The following SORL1 variants were observed in gnomAD, a reference collection of about 807,000 sequenced individuals.
The protein encoded by SORL1 is sortilin related receptor 1, also known as sortilin-related receptor.
SORL1 carries 127 observed loss-of-function variants against 273.7 expected under a neutral mutation model. The observed-to-expected ratio is 0.46, with a 90% CI of 0.40 to 0.54. The LOEUF (loss-of-function observed/expected upper bound fraction) is 0.54, where lower values mean the gene tolerates loss of function less well. Ranked by LOEUF, SORL1 falls within the 20% of genes least tolerant of loss-of-function variation. The probability of loss-of-function intolerance (pLI) is 0.00; values close to 1 mark genes in which losing one functional copy is unlikely to be tolerated. For synonymous variants in SORL1, 1,031 were observed against 1,067.4 expected (o/e 0.97, Z 0.66); for missense variants, 2,494 against 2,846.1 (o/e 0.88, Z 2.81).
chr11:121,606,561 G>T (rs1426998174), intron 35 of SORL1, among the ~76,000 whole-genome samples: 1 of 152,142 alleles, frequency 6.6e-6, no homozygotes, highest in Non-Finnish European at 1.5e-5. Context: ...CAGGGTCAGT[G>T]GTGACTCAGC....
At chr11:121,626,530 T>G (rs1242268828) in intron 46 of SORL1, 1 of 152,204 alleles carries the variant, frequency 6.6e-6, no homozygotes, top group Non-Finnish European at 1.5e-5. Flanking sequence ...TAGATTAGGT[T>G]TGCAAGAAAC....
intron 32 of SORL1, among the ~76,000 whole-genome samples, chr11:121,603,353 C>A (rs1254459631): frequency 6.6e-6 from 1 of 152,218 alleles, no homozygotes; most frequent in Non-Finnish European, 1.5e-5. Context: ...CTGGGCTCAA[C>A]CAGCTACATA....
chr11:121,589,534 C>T, intron 29 of SORL1, 144 bp downstream of exon 29: 2 of 1,027,672 alleles, frequency 1.9e-6, no homozygotes, highest in East Asian at 2.5e-5. Context: ...CCTGAATACT[C>T]ATACGAGTTG....
intron 32 of SORL1, among the ~76,000 whole-genome samples, chr11:121,599,750 A>T (rs1409521262): frequency 6.6e-6 from 1 of 151,042 alleles, no homozygotes; most frequent in Admixed American, 6.6e-5. Context: ...CAATATAATT[A>T]ATTCTCCTGC....
chr11:121,531,415 AT>A (rs56128200), intron 11 of SORL1, among the ~76,000 whole-genome samples: 80 of 152,342 alleles, frequency 5.3e-4, no homozygotes, highest in African/African-American at 5.5e-4. Context: ...AATTAAAAAA[AT>A]ATTCCAATAT....
At chr11:121,458,286 G>A (rs1264109346) in intron 1 of SORL1, among the ~76,000 whole-genome samples, 1 of 152,168 alleles carries the variant, frequency 6.6e-6, no homozygotes, top group Non-Finnish European at 1.5e-5. Flanking sequence ...TCAGGGAAAG[G>A]CAGTTTGGAG....
rs1863302332 is a variant in SORL1, at chr11:121,596,776, C to A, written c.4519+1004C>A. On this transcript the variant is annotated intron_variant, in intron 32 of 47. Coordinates refer to ENST00000260197, the MANE Select transcript of SORL1 (RefSeq NM_003105.6). This position sits in a 1 kb window ranked among gnomAD's most constrained non-coding sequence, Gnocchi z 4.3. The stretch of plus-strand genomic sequence containing the variant: ...GAGCCTCCCTGCCGCCAAGCCCTAA[C>A]CCTAAGCAGCAAACGCCTCAGTTCC... 6.6e-6 allele frequency among the ~76,000 whole-genome samples: 1 copy of A among 152,190 alleles called. No homozygotes were observed. The highest frequency in any genetic ancestry group is 1.5e-5 in the Non-Finnish European group (1 of 68,040).
chr11:121,565,812 A>T (rs1862746288), intron 21 of SORL1, among the ~76,000 whole-genome samples: 1 of 152,172 alleles, frequency 6.6e-6, no homozygotes, highest in Admixed American at 6.5e-5. Flanking sequence ...ATCCTCGTTC[A>T]TCCACAAAGG....
chr11:121,598,780 A>G (rs1863340401), intron 32 of SORL1, among the ~76,000 whole-genome samples: 2 of 152,164 alleles, frequency 1.3e-5, no homozygotes, highest in African/African-American at 4.8e-5. Flanking sequence ...ATTTATTTCC[A>G]CCATGCATAG....
chr11:121,595,870 T>C lies in SORL1; in HGVS notation c.4519+98T>C. On this transcript the variant is annotated intron_variant, in intron 32 of 47. Coordinates refer to ENST00000260197, the MANE Select transcript of SORL1 (RefSeq NM_003105.6). This position sits in a 1 kb window ranked among gnomAD's most constrained non-coding sequence, Gnocchi z 5.1. ...ATTTCTGGATCAGCACACGCCTGTGTGTGAGTCTGTGTACTTGCGTAACCA... is the reference window on the plus strand; with the variant it reads ...ATTTCTGGATCAGCACACGCCTGTGCGTGAGTCTGTGTACTTGCGTAACCA... 1.5e-6 allele frequency: 2 copies of C among 1,311,138 alleles called. No homozygotes were observed. The highest frequency in any genetic ancestry group is 2.1e-6 in the Non-Finnish European group (2 of 954,306). The allele number at this position is 1,311,138 out of a possible 1,614,324, so 81.2% of individuals were successfully genotyped here.
chr11:121,541,210 T>TG (rs1555069249), intron 12 of SORL1, among the ~76,000 whole-genome samples: 4 of 151,278 alleles, frequency 2.6e-5, no homozygotes, highest in Non-Finnish European at 5.9e-5. Flanking sequence ...TATCTTTTTT[T>TG]TTTTTTTTTA....
At chr11:121,617,006 C>T (rs1255188739) in intron 41 of SORL1, among the ~76,000 whole-genome samples, 1 of 152,192 alleles carries the variant, frequency 6.6e-6, no homozygotes, top group African/African-American at 2.4e-5. Context: ...GAAATTTAAA[C>T]ATTTTCTGGT....
intron 41 of SORL1, among the ~76,000 whole-genome samples, chr11:121,618,189 C>T (rs527612091): frequency 5.3e-5 from 8 of 152,334 alleles, no homozygotes; most frequent in South Asian, 2.1e-4. Context: ...TAGGGAGGTT[C>T]GCAGTTTAGA....
intron 7 of SORL1, 36 bp downstream of exon 7, chr11:121,513,140 C>G: frequency 6.9e-7 from 1 of 1,457,144 alleles, no homozygotes; most frequent in South Asian, 1.1e-5. Context: ...GAAGAAGTAT[C>G]ATTGTCTTTA....
At chr11:121,508,667 G>T (rs1278984362) in intron 6 of SORL1, among the ~76,000 whole-genome samples, 1 of 152,194 alleles carries the variant, frequency 6.6e-6, no homozygotes, top group Admixed American at 6.5e-5. Flanking sequence ...GAGGCTGTGG[G>T]TTTCCAAGGC....
At position 121,597,555 on chromosome 11, in the gene SORL1, G is replaced by C. The variant is rs377599081; in HGVS notation, c.4519+1783G>C. The stretch of plus-strand genomic sequence containing the variant: ...CAGCTCACTGCAGCTTCCGCCTTTC[G>C]AGCTCAAGTGATTCTCTTGCCTCAG... On this transcript the variant is annotated intron_variant, in intron 32 of 47. Transcript: ENST00000260197. Among the ~76,000 whole-genome samples, 8 of 151,634 alleles carry C rather than the reference G, an allele frequency of 5.3e-5. No homozygotes were observed. In the East Asian group the frequency reaches 1.2e-3, roughly 22 times the overall value.
intron 6 of SORL1, among the ~76,000 whole-genome samples, chr11:121,501,388 T>C (rs1398386199): frequency 3.3e-5 from 5 of 152,252 alleles, no homozygotes; most frequent in Non-Finnish European, 5.9e-5. Flanking sequence ...TTCTCCTCCC[T>C]GATGCTGGTA....
In SORL1 at chr11:121,577,372, G is replaced by T. The variant is rs1337683268; in HGVS notation, c.3552G>T (p.Arg1184Ser). The T allele has an allele frequency of 6.2e-7, 1 of 1,612,146 alleles. No individual in the cohort carries two copies. The highest frequency in any genetic ancestry group is 1.1e-5 in the South Asian group (1 of 90,772). The change falls in exon 25 of 48, where the codon AGG (arginine) becomes AGT (serine). Residue 1184 changes from arginine to serine, a missense_variant. Around this residue, in one of 3 missense-constraint regions of SORL1, gnomAD observed 1,609 missense variants for 1,816.4 expected, o/e 0.89. Transcript: ENST00000260197. ...TATGTGACGGGGACAACGACTGCAGGGACTGGTCTGATGAAGCCAACTGTA... is the reference window on the plus strand; with the variant it reads ...TATGTGACGGGGACAACGACTGCAGTGACTGGTCTGATGAAGCCAACTGTA... Reference protein sequence around the residue: ...SWVCDGDNDCRDWSDEANCTA... With the variant: ...SWVCDGDNDCSDWSDEANCTA...
chr11:121,611,227 C>A, intron 39 of SORL1, 69 bp downstream of exon 39: 2 of 1,042,332 alleles, frequency 1.9e-6, no homozygotes, highest in Non-Finnish European at 2.9e-6. Flanking sequence ...AAGGACATAG[C>A]ACAGTAAGAC....
Sources: allele counts gnomAD v4.1 joint callset (sites outside exome capture counted in the v4.1 genomes callset), GRCh38; gene constraint gnomAD v4.1.1; regional missense constraint gnomAD v4.1.1; non-coding constraint Gnocchi (gnomAD v3.1); transcripts MANE v1.5; gene names NCBI Gene and HGNC (gene_info 2026-07-23, HGNC 2026-07-21).